Variants in PTPRK observed in about 807,000 individuals in gnomAD.
PTPRK encodes the protein protein tyrosine phosphatase receptor type K.
In PTPRK, 75 loss-of-function variants were observed where a neutral mutation model predicts 178.0. The ratio of observed to expected loss-of-function variants is 0.42; its 90% CI spans 0.35 to 0.51. The LOEUF is 0.51. Among genes scored for constraint, PTPRK ranks in the 20% least tolerant of loss-of-function variants. The pLI, the probability that PTPRK is intolerant of heterozygous loss-of-function variation, is 0.02. For synonymous variants in PTPRK, 637 were observed against 620.6 expected (o/e 1.03, Z -0.39); for missense variants, 1,441 against 1,797.8 (o/e 0.80, Z 3.59).
At chr6:128,209,805 G>C (rs1274551960) in intron 6 of PTPRK, among the ~76,000 whole-genome samples, 1 of 152,118 alleles carries the variant, frequency 6.6e-6, no homozygotes, top group African/African-American at 2.4e-5. Context: ...GAGAGATCAT[G>C]GTATGTTAAA....
chr6:128,222,860 T>C (rs1810657306), intron 5 of PTPRK, among the ~76,000 whole-genome samples: 1 of 152,186 alleles, frequency 6.6e-6, no homozygotes, highest in South Asian at 2.1e-4. Context: ...TATCTAAAAA[T>C]GGAGATTAAA....
chr6:128,484,808 T>C lies in PTPRK; in HGVS notation c.100+35451A>G, dbSNP rs188212564. Among the ~76,000 whole-genome samples the C allele has an allele frequency of 5.9e-5, 9 of 152,342 alleles. No individual in the cohort carries two copies. The East Asian group carries it at 1.5e-3, about 26-fold the overall frequency. On this transcript the variant is annotated intron_variant, in intron 1 of 29. Coordinates refer to ENST00000368226, the MANE Select transcript of PTPRK (RefSeq NM_002844.4). ...TCCTTGAAAATAAATTTAATTAGCA[T>C]AGTTTGTTCAAATCGAATCACATTT...
intron 1 of PTPRK, among the ~76,000 whole-genome samples, chr6:128,422,232 T>C (rs1031669303): frequency 1.3e-5 from 2 of 152,236 alleles, no homozygotes; most frequent in East Asian, 3.8e-4. Context: ...CATGGGTATA[T>C]GTAAATTGAT....
chr6:128,238,119 G>A (rs763166014), intron 5 of PTPRK: 10 of 432,374 alleles, frequency 2.3e-5, no homozygotes, highest in Non-Finnish European at 4.5e-5. Flanking sequence ...CACTACTGAA[G>A]AATGAGGCAA....
At chr6:128,391,156 T>A (rs1195412378) in intron 2 of PTPRK, among the ~76,000 whole-genome samples, 2 of 152,084 alleles carry the variant, frequency 1.3e-5, no homozygotes, top group African/African-American at 2.4e-5. Flanking sequence ...TAAAAAAAAA[T>A]CTGAAAATCA....
At chr6:128,281,670 T>C (rs1821696927) in intron 3 of PTPRK, among the ~76,000 whole-genome samples, 1 of 152,152 alleles carries the variant, frequency 6.6e-6, no homozygotes, top group Non-Finnish European at 1.5e-5. Flanking sequence ...GAGAACTTCC[T>C]ATCTTCCTGG....
At chr6:128,005,349 A>G (rs1778297586) in intron 14 of PTPRK, 105 bp from the exon 15 acceptor site, 1 of 1,127,870 alleles carries the variant, frequency 8.9e-7, no homozygotes, top group Non-Finnish European at 1.3e-6. Flanking sequence ...TGTTACAAAC[A>G]TGGTTTAGAA....
chr6:128,297,262 A>G (rs1248729333), intron 3 of PTPRK, among the ~76,000 whole-genome samples: 1 of 152,104 alleles, frequency 6.6e-6, no homozygotes, highest in Admixed American at 6.5e-5. Context: ...TTAGACTCCC[A>G]CACAATAATA....
intron 2 of PTPRK, among the ~76,000 whole-genome samples, chr6:128,363,934 G>A (rs1835113410): frequency 6.6e-6 from 1 of 152,028 alleles, no homozygotes. Context: ...TACATTCACA[G>A]TTAGTTAGTT....
At position 128,260,393 on chromosome 6, in the gene PTPRK, C is replaced by A. The variant is rs115348154; in HGVS notation, c.496-17791G>T. The stretch of plus-strand genomic sequence containing the variant: ...TTGAAGGAAAAGATGACGGCATTAA[C>A]CCTGAGGATGCCCAAAAATAAAATA... On this transcript the variant is annotated intron_variant, in intron 3 of 29. Coordinates refer to ENST00000368226, the MANE Select transcript of PTPRK (RefSeq NM_002844.4). Among the ~76,000 whole-genome samples, 278 of 152,176 alleles carry A rather than the reference C, an allele frequency of 1.8e-3. 1 individual carries two copies. Among genetic ancestry groups the A allele is most frequent in the African/African-American group, 6.4e-3 (266 of 41,534 alleles).
chr6:128,304,905 C>G (rs900496697), intron 3 of PTPRK, among the ~76,000 whole-genome samples: 3 of 152,080 alleles, frequency 2.0e-5, no homozygotes, highest in Non-Finnish European at 2.9e-5. Flanking sequence ...TCTAACTCAC[C>G]ATGGCAGTTT....
intron 3 of PTPRK, among the ~76,000 whole-genome samples, chr6:128,261,582 TC>T (rs1818185106): frequency 6.6e-6 from 1 of 152,184 alleles, no homozygotes; most frequent in Non-Finnish European, 1.5e-5. Flanking sequence ...AGCAAAACTG[TC>T]CAGCAAAATT....
intron 2 of PTPRK, among the ~76,000 whole-genome samples, chr6:128,356,318 T>G (rs1833957214): frequency 6.6e-6 from 1 of 152,212 alleles, no homozygotes; most frequent in African/African-American, 2.4e-5. Context: ...ATCGAGCTTA[T>G]TGAAGGTATA....
chr6:127,993,174 C>T (rs1027737250), intron 18 of PTPRK, among the ~76,000 whole-genome samples: 28 of 151,854 alleles, frequency 1.8e-4, no homozygotes, highest in African/African-American at 6.5e-4. Flanking sequence ...TGCATGTGTG[C>T]ATCCAATCAA....
chr6:127,996,134 C>T (rs932039775), intron 17 of PTPRK, among the ~76,000 whole-genome samples: 1 of 152,014 alleles, frequency 6.6e-6, no homozygotes, highest in Non-Finnish European at 1.5e-5. Context: ...CCGTGTATAT[C>T]TTGAGGACTT....
At chr6:128,368,938 AAAAC>A (rs981135320) in intron 2 of PTPRK, among the ~76,000 whole-genome samples, 3 of 148,100 alleles carry the variant, frequency 2.0e-5, no homozygotes, top group African/African-American at 7.4e-5. Context: ...AACAAAACAA[AAAAC>A]AAACAAACAA....
At chr6:128,020,651 T>C (rs1773362890) in intron 13 of PTPRK, among the ~76,000 whole-genome samples, 1 of 152,172 alleles carries the variant, frequency 6.6e-6, no homozygotes, top group Admixed American at 6.5e-5. Flanking sequence ...CACATTTGAA[T>C]ATTAGAGAAA....
chr6:128,410,885 C>CGTTT (rs1184662168), intron 1 of PTPRK, among the ~76,000 whole-genome samples: 1 of 152,036 alleles, frequency 6.6e-6, no homozygotes, highest in Non-Finnish European at 1.5e-5. Flanking sequence ...ACCAGCCTTA[C>CGTTT]GTTTGTTTGT....
intron 7 of PTPRK, among the ~76,000 whole-genome samples, chr6:128,090,795 C>G (rs1358521895): frequency 6.6e-6 from 1 of 152,154 alleles, no homozygotes; most frequent in Non-Finnish European, 1.5e-5. Context: ...CGTAACTACT[C>G]TATGAAACTC....
Sources: allele counts gnomAD v4.1 joint callset (sites outside exome capture counted in the v4.1 genomes callset), GRCh38; gene constraint gnomAD v4.1.1; transcripts MANE v1.5; gene names NCBI Gene and HGNC (gene_info 2026-07-23, HGNC 2026-07-21).